The following PCNX2 variants were observed in gnomAD, a reference collection of about 807,000 sequenced individuals.
PCNX2 encodes pecanex-like protein 2.
In PCNX2, 168 loss-of-function variants were observed where a neutral mutation model predicts 223.8. That is an observed-to-expected ratio of 0.75 (90% CI 0.66 to 0.85). The LOEUF (loss-of-function observed/expected upper bound fraction) is 0.85. Among genes scored for constraint, PCNX2 ranks in the 40% least tolerant of loss-of-function variants. PCNX2 has a pLI of 0.00. For synonymous variants in PCNX2, 1,006 were observed against 1,052.6 expected, an observed-to-expected ratio of 0.96 and a Z score of 0.86; for missense variants, 2,507 against 2,675.5, an observed-to-expected ratio of 0.94 and a Z score of 1.39.
intron 1 of PCNX2, among the ~76,000 whole-genome samples, chr1:233,289,715 T>C (rs1572211647): frequency 6.6e-6 from 1 of 152,240 alleles, no homozygotes; most frequent in Non-Finnish European, 1.5e-5. Flanking sequence ...GCATGGACTA[T>C]GTGATCCATT....
intron 21 of PCNX2, among the ~76,000 whole-genome samples, chr1:233,099,435 G>A (rs1255134441): frequency 1.3e-5 from 2 of 152,124 alleles, no homozygotes; most frequent in Non-Finnish European, 2.9e-5. Context: ...AGTAAAAAAA[G>A]CCTAATTAAT....
chr1:233,259,073 C>G lies in PCNX2; in HGVS notation c.789G>C (p.Gln263His). The change falls in exon 5 of 34, where the codon CAG (glutamine) becomes CAC (histidine). Residue 263 changes from glutamine (Q) to histidine (H), a missense_variant. Physicochemically the swap from Gln to His is conservative, Grantham distance 24. Coordinates refer to ENST00000258229, the MANE Select transcript of PCNX2 (RefSeq NM_014801.4). Reference sequence around the variant, plus strand: ...AAACGTCTGTTTCTAGTAAGTCATACTGAGACAAAGACAGGTGGGGCAACT... The same window carrying G: ...AAACGTCTGTTTCTAGTAAGTCATAGTGAGACAAAGACAGGTGGGGCAACT... ...LKKLPHLSLS[Q>H]YDLLETDVSF... The G allele has an allele frequency of 6.2e-7, 1 of 1,614,014 alleles. No individual in the cohort carries two copies. Among genetic ancestry groups the G allele is most frequent in the Non-Finnish European group, 8.5e-7 (1 of 1,179,888 alleles).
chr1:232,987,090 A>G (rs1669518573), intron 32 of PCNX2, among the ~76,000 whole-genome samples: 1 of 152,242 alleles, frequency 6.6e-6, no homozygotes, highest in Admixed American at 6.5e-5. Flanking sequence ...CCTCTTTTCC[A>G]GAATAGCTTT....
At chr1:233,071,734 T>C (rs1408066352) in intron 23 of PCNX2, among the ~76,000 whole-genome samples, 1 of 152,210 alleles carries the variant, frequency 6.6e-6, no homozygotes, top group Non-Finnish European at 1.5e-5. Flanking sequence ...CTGATTTCCA[T>C]ATGGTTGAAC....
chr1:233,190,548 T>C (rs998802794), intron 15 of PCNX2, among the ~76,000 whole-genome samples: 1 of 152,200 alleles, frequency 6.6e-6, no homozygotes, highest in Non-Finnish European at 1.5e-5. Flanking sequence ...TGTTTGTTTG[T>C]TTTTGGTTTT....
chr1:233,262,225 C>T, intron 2 of PCNX2, 60 bp from the exon 3 acceptor site: 2 of 1,593,366 alleles, frequency 1.3e-6, no homozygotes, highest in East Asian at 4.5e-5. Flanking sequence ...AAGCATGACT[C>T]TTTTAGTACT....
chr1:233,276,265 G>C (rs770419565), intron 1 of PCNX2, among the ~76,000 whole-genome samples: 1 of 152,154 alleles, frequency 6.6e-6, no homozygotes. Flanking sequence ...GGTAACTAGA[G>C]TATTCAAACT....
chr1:233,285,084 G>T, intron 1 of PCNX2: 1 of 895,876 alleles, frequency 1.1e-6, no homozygotes, highest in Non-Finnish European at 1.3e-6. Flanking sequence ...CGGGTGCAGT[G>T]GTTCACGCCT....
At chr1:233,168,185 C>A (rs965645365) in intron 17 of PCNX2, among the ~76,000 whole-genome samples, 6 of 152,022 alleles carry the variant, frequency 3.9e-5, no homozygotes, top group Non-Finnish European at 7.4e-5. Flanking sequence ...TTTTATTATT[C>A]ATTAAGTTTC....
the PCNX2 span, among the ~76,000 whole-genome samples, chr1:233,318,565 T>TTC: frequency 5.1e-5 from 6 of 116,682 alleles, no homozygotes; most frequent in South Asian, 6.3e-4. Flanking sequence ...TTCTTTTTCT[T>TTC]TTTTTTTTTT....
At chr1:233,020,376 C>G (rs553442787) in intron 26 of PCNX2, among the ~76,000 whole-genome samples, 21 of 152,366 alleles carry the variant, frequency 1.4e-4, no homozygotes, top group Middle Eastern at 6.8e-3. Context: ...CCTTCAGAAT[C>G]TGTCCGGATG....
At chr1:233,026,337 G>C (rs1188113913) in intron 25 of PCNX2, among the ~76,000 whole-genome samples, 1 of 152,194 alleles carries the variant, frequency 6.6e-6, no homozygotes, top group Non-Finnish European at 1.5e-5. Context: ...GTCTATAGTG[G>C]AGGGCACAAG....
chr1:233,017,502 G>A (rs1318527840), intron 26 of PCNX2, among the ~76,000 whole-genome samples: 1 of 151,924 alleles, frequency 6.6e-6, no homozygotes, highest in Admixed American at 6.6e-5. Flanking sequence ...TATTTTAGTG[G>A]AGACGGGGTT....
At chr1:233,325,087 A>G in the PCNX2 span, among the ~76,000 whole-genome samples, 1 of 152,200 alleles carries the variant, frequency 6.6e-6, no homozygotes, top group Non-Finnish European at 1.5e-5. Flanking sequence ...AGTCACTTTG[A>G]CTTTTAAGTC....
chr1:233,199,795 T>TAC (rs60556502), intron 14 of PCNX2, among the ~76,000 whole-genome samples: 3,000 of 147,918 alleles, frequency 0.02, 38 homozygotes, highest in East Asian at 0.053. Context: ...TGTGCTCAAA[T>TAC]ACACACACAC....
intron 12 of PCNX2, among the ~76,000 whole-genome samples, chr1:233,217,379 A>G (rs912507197): frequency 6.6e-6 from 1 of 152,218 alleles, no homozygotes; most frequent in Non-Finnish European, 1.5e-5. Context: ...CCATATAATT[A>G]TATCACTAAT....
chr1:233,249,599 C>T (rs1659327605), intron 8 of PCNX2, among the ~76,000 whole-genome samples: 1 of 152,114 alleles, frequency 6.6e-6, no homozygotes, highest in African/African-American at 2.4e-5. Flanking sequence ...GTCCATGGTA[C>T]CTGAGGGAAA....
chr1:233,224,278 A>G, intron 10 of PCNX2, among the ~76,000 whole-genome samples: 1 of 152,240 alleles, frequency 6.6e-6, no homozygotes, highest in Non-Finnish European at 1.5e-5. Flanking sequence ...ATCAGAGAAT[A>G]TAAGTAAGGA....
At chr1:233,009,974 GACTT>G (rs1162247642) in intron 28 of PCNX2, among the ~76,000 whole-genome samples, 6 of 152,188 alleles carry the variant, frequency 3.9e-5, no homozygotes, top group Admixed American at 2.6e-4. Context: ...CTATGCTTTA[GACTT>G]ACATATTTTT....
Sources: gnomAD v4.1 joint callset for allele counts (sites outside exome capture counted in the v4.1 genomes callset) on GRCh38, gnomAD v4.1.1 for gene constraint, MANE v1.5 for transcripts, NCBI Gene and HGNC (gene_info 2026-07-23, HGNC 2026-07-21) for gene names.